CD55: variants seen among roughly 807,000 people sequenced by gnomAD.
CD55 encodes complement decay-accelerating factor.
CD55 carries 41 observed loss-of-function variants against 45.8 expected under a neutral mutation model. The ratio of observed to expected loss-of-function variants is 0.90; its 90% CI spans 0.70 to 1.16. CD55 has a LOEUF of 1.16. CD55 is among the 50% of genes most tolerant of loss of function. CD55 has a pLI of 0.00. For synonymous variants in CD55, 181 were observed against 181.1 expected (o/e 1.00, Z 0.01); for missense variants, 416 against 469.8 (o/e 0.89, Z 1.06).
chr1:207,333,084 T>C (rs1323394865), intron 6 of CD55, among the ~76,000 whole-genome samples: 2 of 152,194 alleles, frequency 1.3e-5, no homozygotes, highest in Non-Finnish European at 2.9e-5. Context: ...TGGGGCTGCA[T>C]GTGAGGCTGG....
At chr1:207,354,738 G>A (rs1656012847) in intron 9 of CD55, among the ~76,000 whole-genome samples, 1 of 152,104 alleles carries the variant, frequency 6.6e-6, no homozygotes. Context: ...TCTAATTTGG[G>A]AGATAATATG....
chr1:207,340,479 C>T, intron 9 of CD55: 1 of 681,624 alleles, frequency 1.5e-6, no homozygotes, highest in South Asian at 1.5e-5. Context: ...GATCCTTCCA[C>T]TTCAGCCTCC....
intron 9 of CD55, among the ~76,000 whole-genome samples, chr1:207,344,537 G>T (rs1160014404): frequency 6.6e-6 from 1 of 151,898 alleles, no homozygotes; most frequent in African/African-American, 2.4e-5. Context: ...TTCTTTCAGC[G>T]CTTTGAGTAT....
chr1:207,350,691 G>A (rs939444568), intron 9 of CD55, among the ~76,000 whole-genome samples: 1 of 152,020 alleles, frequency 6.6e-6, no homozygotes, highest in East Asian at 1.9e-4. Flanking sequence ...CTGTGGGGTT[G>A]GTGGTAATGT....
chr1:207,343,877 C>T (rs1179339429), intron 9 of CD55, among the ~76,000 whole-genome samples: 1 of 152,184 alleles, frequency 6.6e-6, no homozygotes, highest in Non-Finnish European at 1.5e-5. Flanking sequence ...ATTGTTATAT[C>T]CTCTTGCTGA....
At chr1:207,326,275 C>G (rs1654677312) in intron 4 of CD55, among the ~76,000 whole-genome samples, 1 of 152,162 alleles carries the variant, frequency 6.6e-6, no homozygotes, top group Non-Finnish European at 1.5e-5. Flanking sequence ...TTAAATAATT[C>G]TATTTTACTC....
intron 6 of CD55, among the ~76,000 whole-genome samples, chr1:207,332,221 A>G (rs566335762): frequency 6.6e-6 from 1 of 152,172 alleles, no homozygotes; most frequent in African/African-American, 2.4e-5. Context: ...TTTTTTATTT[A>G]TTATATCAAT....
Position 207,359,598 on chromosome 1 carries a change from C to T in CD55, c.1134C>T (p.Gly378=), listed in dbSNP as rs745390979. 1 of 1,585,616 alleles carries T rather than the reference C, an allele frequency of 6.3e-7. No individual in the cohort carries two copies. The highest frequency in any genetic ancestry group is 2.3e-5 in the East Asian group (1 of 43,748). ...TGLLGTLVTM[G]LLT is the part of the protein sequence containing the mutation. ...TGCTTGGGACGCTAGTAACCATGGG[C>T]TTGCTGACTTAGCCAAAGAAGAGTT... The change falls in exon 10 of 10, where the codon GGC becomes GGT. Residue 378 remains glycine, a synonymous_variant. Transcript: ENST00000367064.
At chr1:207,359,408 A>T (rs1056660773) in intron 9 of CD55, 138 bp from the exon 10 acceptor site, 97 of 752,460 alleles carry the variant, frequency 1.3e-4, no homozygotes, top group Non-Finnish European at 1.8e-4. Flanking sequence ...ATTACTCATT[A>T]TTTTTTTTGT....
At position 207,325,634 on chromosome 1, in the gene CD55, C is replaced by A; in HGVS notation, c.491C>A (p.Pro164His). ...AVEFCKKKSC[P>H]NPGEIRNGQI... The stretch of plus-strand genomic sequence containing the variant: ...TATTCTATTCTAGAGAAATCATGCC[C>A]TAATCCGGGAGAAATACGAAATGGT... The change falls in exon 4 of 10, where the codon CCT (proline) becomes CAT (histidine). Residue 164 changes from proline to histidine, a missense_variant. Coordinates refer to ENST00000367064, the MANE Select transcript of CD55 (RefSeq NM_000574.5). 1 of 1,605,248 alleles carries A rather than the reference C, an allele frequency of 6.2e-7. No homozygotes were observed. Among genetic ancestry groups the A allele is most frequent in the South Asian group, 1.1e-5 (1 of 90,292 alleles).
intron 9 of CD55, chr1:207,350,195 T>A (rs1251723325): frequency 2.3e-6 from 1 of 436,732 alleles, no homozygotes; most frequent in Non-Finnish European, 4.6e-6. Context: ...CAACCTTGCA[T>A]CCCAGGAATA....
At chr1:207,355,654 T>C (rs1656049969) in intron 9 of CD55, among the ~76,000 whole-genome samples, 1 of 152,198 alleles carries the variant, frequency 6.6e-6, no homozygotes, top group Non-Finnish European at 1.5e-5. Context: ...TGGAGAAATG[T>C]CTACATATCT....
chr1:207,347,272 T>A (rs1655679969), intron 9 of CD55: 2 of 450,062 alleles, frequency 4.4e-6, no homozygotes, highest in Non-Finnish European at 8.9e-6. Context: ...CACATTTTTT[T>A]TTTTTTAGAC....
In CD55 at chr1:207,327,550, A is replaced by T. The variant is rs57544970; in HGVS notation, c.664+713A>T. Among the ~76,000 whole-genome samples the T allele has an allele frequency of 3.4e-3, 525 of 152,318 alleles. 6 individuals are homozygous for T. The highest frequency in any genetic ancestry group is 0.012 in the African/African-American group (513 of 41,560). On this transcript the variant is annotated intron_variant, in intron 5 of 9. Transcript: ENST00000367064. ...TTGGAAATTGAGAGGAATAAAATAC[A>T]TGCAACATTTTAAAATGTAGGCTTG...
rs55925182 is a variant in CD55 at position 207,360,311 on chromosome 1, G to A, written c.*701G>A. On this transcript the variant is annotated 3_prime_UTR_variant, in exon 10 of 10. Coordinates refer to ENST00000367064, the MANE Select transcript of CD55 (RefSeq NM_000574.5). ...ATACTACAATATTAACATAAGAAAAGATTATATATTATTTCTGAATCGAGA... is the reference window on the plus strand; with the variant it reads ...ATACTACAATATTAACATAAGAAAAAATTATATATTATTTCTGAATCGAGA... 5 of 152,108 alleles carry A rather than the reference G, an allele frequency of 3.3e-5. No individual in the cohort carries two copies. Among genetic ancestry groups the A allele is most frequent in the African/African-American group, 1.2e-4 (5 of 41,452 alleles). 9.4% of individuals were successfully genotyped at this position (152,108 alleles called of 1,614,324 possible).
chr1:207,338,520 T>C (rs953268573), intron 8 of CD55, among the ~76,000 whole-genome samples: 3 of 152,136 alleles, frequency 2.0e-5, no homozygotes, highest in Admixed American at 6.6e-5. Context: ...TAAGATAATT[T>C]AAGACATTTA....
Position 207,345,387 on chromosome 1 carries a change from C to T in CD55, c.1081+5970C>T, listed in dbSNP as rs931947370. Among the ~76,000 whole-genome samples, 3 of 152,016 alleles carry T rather than the reference C, an allele frequency of 2.0e-5. No individual in the cohort carries two copies. In the East Asian group the frequency reaches 5.8e-4, roughly 29 times the overall value. On this transcript the variant is annotated intron_variant, in intron 9 of 9. Coordinates refer to ENST00000367064, the MANE Select transcript of CD55 (RefSeq NM_000574.5). ...TCATCAAGTATATTATGTATTTCAT[C>T]AATAAATTATTTCCAGAAGTTGTTT...
chr1:207,321,819 G>A lies in CD55; in HGVS notation c.54G>A (p.Leu18=), dbSNP rs1466688649. 2 of 1,529,442 alleles carry A rather than the reference G, an allele frequency of 1.3e-6. No individual in the cohort carries two copies. Among genetic ancestry groups the A allele is most frequent in the African/African-American group, 1.4e-5 (1 of 72,152 alleles). The allele number at this position is 1,529,442 out of a possible 1,614,324, so 94.7% of individuals were successfully genotyped here. A position where few individuals can be genotyped will look rare whatever the true frequency, so the allele number is the denominator to read the frequency against. The change falls in exon 1 of 10, where the codon CTG becomes CTA. Residue 18 remains leucine, a synonymous_variant. Coordinates refer to ENST00000367064, the MANE Select transcript of CD55 (RefSeq NM_000574.5). ...VPAALPLLGE[L]PRLLLLVLLC... Reference sequence around the variant, plus strand: ...CGGCGCTGCCCCTCCTCGGGGAGCTGCCCCGGCTGCTGCTGCTGGTGCTGT... The same window carrying A: ...CGGCGCTGCCCCTCCTCGGGGAGCTACCCCGGCTGCTGCTGCTGGTGCTGT...
chr1:207,354,612 A>G (rs917319846), intron 9 of CD55, among the ~76,000 whole-genome samples: 1 of 152,130 alleles, frequency 6.6e-6, no homozygotes, highest in Non-Finnish European at 1.5e-5. Context: ...ATTATTTCAT[A>G]CTTTCATTTT....
Sources: gnomAD v4.1 joint callset for allele counts (sites outside exome capture counted in the v4.1 genomes callset) on GRCh38, gnomAD v4.1.1 for gene constraint, MANE v1.5 for transcripts, NCBI Gene and HGNC (gene_info 2026-07-23, HGNC 2026-07-21) for gene names.